PLXNA2: variants seen among roughly 807,000 people sequenced by gnomAD.
PLXNA2 encodes plexin-A2.
A neutral mutation model predicts 193.5 loss-of-function variants in PLXNA2; 91 were observed. The ratio of observed to expected loss-of-function variants is 0.47; its 90% CI spans 0.40 to 0.56. The LOEUF (loss-of-function observed/expected upper bound fraction) is 0.56. Among genes scored for constraint, PLXNA2 ranks in the 20% least tolerant of loss-of-function variants. The pLI is 0.00. For missense variants in PLXNA2, 1,995 were observed against 2,503.2 expected, an observed-to-expected ratio of 0.80 and a Z score of 4.33; for synonymous variants, 997 against 1,027.3, an observed-to-expected ratio of 0.97 and a Z score of 0.56.
intron 2 of PLXNA2, among the ~76,000 whole-genome samples, chr1:208,214,733 T>C (rs991088771): frequency 6.6e-6 from 1 of 152,170 alleles, no homozygotes; most frequent in African/African-American, 2.4e-5. Context: ...AAACCTAACA[T>C]TTCCAGGCAT....
intron 4 of PLXNA2, among the ~76,000 whole-genome samples, chr1:208,136,921 G>T (rs1236292196): frequency 6.6e-6 from 1 of 152,158 alleles, no homozygotes; most frequent in Non-Finnish European, 1.5e-5. Flanking sequence ...ACATGATGCT[G>T]GGTGATTTAT....
chr1:208,034,567 A>T lies in PLXNA2; in HGVS notation c.4790T>A (p.Leu1597Gln). 1 of 1,613,790 alleles carries T rather than the reference A, an allele frequency of 6.2e-7. No individual in the cohort carries two copies. Among genetic ancestry groups the T allele is most frequent in the Non-Finnish European group, 8.5e-7 (1 of 1,179,644 alleles). Residue 1597 changes from leucine (L) to glutamine (Q), a missense_variant, in exon 27 of 32, where the codon CTG (leucine) becomes CAG (glutamine). Leu to Gln is a moderately radical substitution (Grantham distance 113). Around this residue, in one of 3 missense-constraint regions of PLXNA2, gnomAD observed 1,291 missense variants for 1,673.6 expected, o/e 0.77. Transcript: ENST00000367033. ...YQVSDRSVVA[L>Q]VPKQTSSYNI... ...GTAGGAGGAGGTCTGTTTGGGGACCAGAGCCACCACCGACCTGTCTGACAC... is the reference window on the plus strand; with the variant it reads ...GTAGGAGGAGGTCTGTTTGGGGACCTGAGCCACCACCGACCTGTCTGACAC...
At chr1:208,100,995 C>A (rs944439489) in intron 5 of PLXNA2, among the ~76,000 whole-genome samples, 1 of 152,242 alleles carries the variant, frequency 6.6e-6, no homozygotes, top group Non-Finnish European at 1.5e-5. Context: ...ACTCCTCCCC[C>A]TCTTCCTTTT....
At chr1:208,096,653 C>T in intron 7 of PLXNA2, 77 bp downstream of exon 7, 1 of 1,520,570 alleles carries the variant, frequency 6.6e-7, no homozygotes, top group Non-Finnish European at 9.0e-7. Context: ...AGACTGTGTG[C>T]CTAGTTCTTG....
At chr1:208,192,543 T>TGGAGTTG (rs1670215218) in intron 3 of PLXNA2, among the ~76,000 whole-genome samples, 1 of 151,660 alleles carries the variant, frequency 6.6e-6, no homozygotes, top group Admixed American at 6.6e-5. Context: ...TGAAGAAGGG[T>TGGAGTTG]GGAGTTGGGA....
Position 208,028,137 on chromosome 1 carries a change from G to T in PLXNA2, c.5461C>A (p.Leu1821Ile). 1 of 1,612,980 alleles carries T rather than the reference G, an allele frequency of 6.2e-7. No homozygotes were observed. The highest frequency in any genetic ancestry group is 8.5e-7 in the Non-Finnish European group (1 of 1,179,448). ...ATGTCCTGGTCACTGATGGCTGGGA[G>T]CTTGGCGATGTCTGCGTAGTATCTG... The part of the protein sequence containing the change: ...VERYYADIAK[L>I]PAISDQDMNA... Residue 1821 changes from leucine (L) to isoleucine (I), a missense_variant, in exon 31 of 32, where the codon CTC becomes ATC. Around this residue, in one of 3 missense-constraint regions of PLXNA2, gnomAD observed 1,291 missense variants for 1,673.6 expected, o/e 0.77. Transcript: ENST00000367033. This position sits in a 1 kb window ranked among gnomAD's most constrained non-coding sequence, Gnocchi z 4.2.
At chr1:208,091,366 T>G (rs1666703222) in intron 9 of PLXNA2, among the ~76,000 whole-genome samples, 1 of 152,240 alleles carries the variant, frequency 6.6e-6, no homozygotes. Context: ...CTATCAAGAT[T>G]AGAAGACACA....
intron 28 of PLXNA2, chr1:208,032,158 A>C (rs1664524332): frequency 4.1e-6 from 4 of 985,148 alleles, no homozygotes; most frequent in Non-Finnish European, 4.8e-6. Context: ...GCAGGAGCAC[A>C]GCAGGACCAG....
rs572470879 is a variant in PLXNA2 at position 208,024,541 on chromosome 1, C to T, written c.*2702G>A. 1 of 152,432 alleles carries T rather than the reference C, an allele frequency of 6.6e-6. No individual in the cohort carries two copies. The highest frequency in any genetic ancestry group is 1.9e-4 in the East Asian group (1 of 5,186). 9.4% of individuals were successfully genotyped at this position (152,432 alleles called of 1,614,324 possible). On this transcript the variant is annotated 3_prime_UTR_variant, in exon 32 of 32. Transcript: ENST00000367033. ...TTGTCAGCCCAAGTTCCCCAAGTCTCTCATGGAATCCTGAGAAATGTGGCC... is the reference window on the plus strand; with the variant it reads ...TTGTCAGCCCAAGTTCCCCAAGTCTTTCATGGAATCCTGAGAAATGTGGCC...
At chr1:208,205,515 T>G (rs1260788787) in intron 3 of PLXNA2, among the ~76,000 whole-genome samples, 1 of 152,154 alleles carries the variant, frequency 6.6e-6, no homozygotes, top group Non-Finnish European at 1.5e-5. Flanking sequence ...CCAGCCTCAT[T>G]CCAAAGCCCA....
chr1:208,240,451 T>C (rs1188086663), intron 1 of PLXNA2, among the ~76,000 whole-genome samples: 1 of 152,166 alleles, frequency 6.6e-6, no homozygotes, highest in Non-Finnish European at 1.5e-5. Flanking sequence ...CACCCCTCAT[T>C]TACTCTAATC....
intron 3 of PLXNA2, among the ~76,000 whole-genome samples, chr1:208,188,950 TG>T (rs1670091584): frequency 6.6e-6 from 1 of 152,186 alleles, no homozygotes; most frequent in Non-Finnish European, 1.5e-5. Context: ...CTGGATGTAG[TG>T]CACCCAGGAA....
At chr1:208,132,646 C>T (rs1337313152) in intron 4 of PLXNA2, among the ~76,000 whole-genome samples, 1 of 152,122 alleles carries the variant, frequency 6.6e-6, no homozygotes, top group African/African-American at 2.4e-5. Context: ...GGCTGAGAGG[C>T]AAGGCAGGGT....
At chr1:208,123,339 C>T (rs1332102741) in intron 4 of PLXNA2, among the ~76,000 whole-genome samples, 1 of 152,198 alleles carries the variant, frequency 6.6e-6, no homozygotes, top group Non-Finnish European at 1.5e-5. Flanking sequence ...AACTGTCCCA[C>T]TGTTCACCCC....
At chr1:208,041,077 G>C (rs1447068560) in intron 22 of PLXNA2, among the ~76,000 whole-genome samples, 1 of 152,198 alleles carries the variant, frequency 6.6e-6, no homozygotes, top group Non-Finnish European at 1.5e-5. Flanking sequence ...TTCTCCCGTG[G>C]CTCCTCCCAG....
At chr1:208,231,362 G>A (rs1330137833) in intron 1 of PLXNA2, among the ~76,000 whole-genome samples, 1 of 152,090 alleles carries the variant, frequency 6.6e-6, no homozygotes, top group Non-Finnish European at 1.5e-5. Flanking sequence ...GGAGGGAGGG[G>A]TGAGGAGAAA....
At chr1:208,192,801 C>T (rs1055417646) in intron 3 of PLXNA2, among the ~76,000 whole-genome samples, 4 of 151,480 alleles carry the variant, frequency 2.6e-5, no homozygotes, top group African/African-American at 4.9e-5. Flanking sequence ...GCAGGAGAAT[C>T]GCTTGAACCC....
At chr1:208,207,126 C>G (rs568862792) in intron 3 of PLXNA2, among the ~76,000 whole-genome samples, 5 of 152,230 alleles carry the variant, frequency 3.3e-5, no homozygotes, top group African/African-American at 1.2e-4. Context: ...CCACCTCAGC[C>G]TCCCAAGTGG....
intron 17 of PLXNA2, among the ~76,000 whole-genome samples, chr1:208,050,444 T>C (rs1281047611): frequency 6.6e-6 from 1 of 152,128 alleles, no homozygotes; most frequent in East Asian, 1.9e-4. Context: ...AAAACAGGAG[T>C]CCTTTTGTGC....
Sources: gnomAD v4.1 joint callset for allele counts (sites outside exome capture counted in the v4.1 genomes callset) on GRCh38, gnomAD v4.1.1 for gene constraint, gnomAD v4.1.1 regional missense constraint, Gnocchi (gnomAD v3.1) non-coding constraint, MANE v1.5 for transcripts, NCBI Gene and HGNC (gene_info 2026-07-23, HGNC 2026-07-21) for gene names.